Variants in CHLSN observed in about 807,000 individuals in gnomAD.
CHLSN encodes protein cholesin.
At chr7:1,084,067 C>A in the CHLSN span, among the ~76,000 whole-genome samples, 1 of 152,370 alleles carries the variant, frequency 6.6e-6, no homozygotes, top group African/African-American at 2.4e-5. Flanking sequence ...CACAGGATGT[C>A]CCTAAAGTCA....
At chr7:1,010,977 G>A in the CHLSN span, among the ~76,000 whole-genome samples, 1,200 of 151,788 alleles carry the variant, frequency 7.9e-3, 22 homozygotes, top group African/African-American at 0.027. Context: ...AAGGGAGGCC[G>A]GGCACAGCCC....
At chr7:1,023,184 C>T in the CHLSN span, among the ~76,000 whole-genome samples, 11 of 152,334 alleles carry the variant, frequency 7.2e-5, no homozygotes, top group Admixed American at 3.9e-4. This position sits in a 1 kb window ranked among gnomAD's most constrained non-coding sequence, Gnocchi z 5.0. Flanking sequence ...GAGACACAGA[C>T]GAGCAGATGT....
the CHLSN span, among the ~76,000 whole-genome samples, chr7:1,105,154 A>G: frequency 6.6e-6 from 1 of 152,254 alleles, no homozygotes; most frequent in Non-Finnish European, 1.5e-5. Flanking sequence ...GGGCAGGAGC[A>G]TGGACAAGCC....
At chr7:1,125,182 A>G in the CHLSN span, among the ~76,000 whole-genome samples, 1 of 152,136 alleles carries the variant, frequency 6.6e-6, no homozygotes, top group East Asian at 1.9e-4. Context: ...GCTGGGCCAC[A>G]CCCAGCAACC....
chr7:1,065,852 C>T, the CHLSN span, among the ~76,000 whole-genome samples: 1 of 152,250 alleles, frequency 6.6e-6, no homozygotes, highest in African/African-American at 2.4e-5. Context: ...CAAGTGCGGG[C>T]ACTTTTAATA....
At chr7:1,079,384 C>T in the CHLSN span, among the ~76,000 whole-genome samples, 1 of 152,190 alleles carries the variant, frequency 6.6e-6, no homozygotes, top group Admixed American at 6.5e-5. Flanking sequence ...GCTGCTTTTG[C>T]ACAGAAACAG....
the CHLSN span, among the ~76,000 whole-genome samples, chr7:1,019,211 A>AAGGG: frequency 4.6e-5 from 2 of 43,692 alleles, no homozygotes; most frequent in Non-Finnish European, 8.7e-5. Context: ...AAAAAAAAAA[A>AAGGG]CGGGGGGGGG....
the CHLSN span, among the ~76,000 whole-genome samples, chr7:1,011,427 AAACACC>A: frequency 1.2e-5 from 1 of 86,902 alleles, no homozygotes; most frequent in Non-Finnish European, 2.1e-5. Flanking sequence ...AGACACCCAG[AAACACC>A]CACACACCCA....
At chr7:1,034,879 T>C in the CHLSN span, among the ~76,000 whole-genome samples, 2 of 151,796 alleles carry the variant, frequency 1.3e-5, no homozygotes, top group African/African-American at 2.4e-5. Context: ...CTCCCACTTA[T>C]AGTGAGAACA....
the CHLSN span, chr7:985,189 C>T: frequency 6.4e-7 from 1 of 1,569,084 alleles, no homozygotes; most frequent in South Asian, 1.2e-5. Context: ...GCTGGCCCTA[C>T]TGGGCTGGGC....
chr7:1,013,599 T>C, the CHLSN span, among the ~76,000 whole-genome samples: 1 of 152,350 alleles, frequency 6.6e-6, no homozygotes, highest in South Asian at 2.1e-4. Flanking sequence ...GGAGAGGTGT[T>C]GTGGGCGGCT....
the CHLSN span, among the ~76,000 whole-genome samples, chr7:1,127,655 A>C: frequency 0.014 from 633 of 45,972 alleles, 37 homozygotes; most frequent in Non-Finnish European, 0.024. Context: ...GCAGTGGCAC[A>C]ATCTCGGCTC....
chr7:1,053,795 C>G, the CHLSN span, among the ~76,000 whole-genome samples: 2 of 152,162 alleles, frequency 1.3e-5, no homozygotes, highest in African/African-American at 2.4e-5. Context: ...CCACTGCACT[C>G]CAGCCTGGGC....
the CHLSN span, among the ~76,000 whole-genome samples, chr7:1,047,213 G>A: frequency 2.9e-3 from 435 of 152,316 alleles, 5 homozygotes; most frequent in African/African-American, 9.9e-3. Context: ...TGCCCAGCCC[G>A]CTCACTGGCC....
At chr7:1,022,934 C>A in the CHLSN span, 1 of 457,300 alleles carries the variant, frequency 2.2e-6, no homozygotes, top group Non-Finnish European at 4.5e-6. Flanking sequence ...ATGGTCCCGG[C>A]GCAGACACTG....
the CHLSN span, among the ~76,000 whole-genome samples, chr7:1,005,415 C>G: frequency 6.6e-6 from 1 of 152,254 alleles, no homozygotes; most frequent in Non-Finnish European, 1.5e-5. Flanking sequence ...CGTCCACGTG[C>G]TCGTAACTGC....
At chr7:998,272 A>G in the CHLSN span, among the ~76,000 whole-genome samples, 2 of 152,018 alleles carry the variant, frequency 1.3e-5, no homozygotes, top group African/African-American at 4.8e-5. Flanking sequence ...CTCACCAGTC[A>G]CCTGACAATC....
the CHLSN span, among the ~76,000 whole-genome samples, chr7:1,117,052 C>T: frequency 2.1e-3 from 202 of 97,896 alleles, no homozygotes; most frequent in Admixed American, 2.7e-3. Context: ...CTTCCATCAC[C>T]GACGCCCACG....
chr7:992,428 T>C, the CHLSN span, among the ~76,000 whole-genome samples: 1 of 152,194 alleles, frequency 6.6e-6, no homozygotes, highest in Non-Finnish European at 1.5e-5. Context: ...GCCATCTGAG[T>C]GCCGGGCTGG....
Sources: allele counts gnomAD v4.1 joint callset (sites outside exome capture counted in the v4.1 genomes callset), GRCh38; gene constraint gnomAD v4.1.1; non-coding constraint Gnocchi (gnomAD v3.1); transcripts MANE v1.5; gene names NCBI Gene and HGNC (gene_info 2026-07-23, HGNC 2026-07-21).